The following PPARGC1A variants were observed in gnomAD, a reference collection of about 807,000 sequenced individuals.
PPARGC1A encodes the protein peroxisome proliferator-activated receptor gamma coactivator 1-alpha.
In PPARGC1A, 25 loss-of-function variants were observed where a neutral mutation model predicts 88.7. That is an observed-to-expected ratio of 0.28 (90% CI 0.21 to 0.39). The LOEUF is 0.39. Among genes scored for constraint, PPARGC1A ranks in the 10% least tolerant of loss-of-function variants. The probability of loss-of-function intolerance (pLI) is 1.00; values close to 1 mark genes in which losing one functional copy is unlikely to be tolerated. For synonymous variants in PPARGC1A, 363 were observed against 355.6 expected, an observed-to-expected ratio of 1.02 and a Z score of -0.24; for missense variants, 880 against 968.7, an observed-to-expected ratio of 0.91 and a Z score of 1.22.
the PPARGC1A span, among the ~76,000 whole-genome samples, chr4:24,240,983 C>T: frequency 1.3e-5 from 2 of 152,306 alleles, no homozygotes; most frequent in Non-Finnish European, 1.5e-5. Context: ...ACAAGAGAAA[C>T]TCTGCTGCTG....
the PPARGC1A span, among the ~76,000 whole-genome samples, chr4:24,177,756 G>A: frequency 3.3e-5 from 5 of 151,822 alleles, no homozygotes; most frequent in Middle Eastern, 3.4e-3. Flanking sequence ...GAGCTGGCAG[G>A]CATACAAGTG....
chr4:23,801,544 CT>C (rs1718745741), intron 12 of PPARGC1A, among the ~76,000 whole-genome samples, 185 bp downstream of exon 12: 1 of 152,200 alleles, frequency 6.6e-6, no homozygotes, highest in Non-Finnish European at 1.5e-5. Flanking sequence ...TCTGTCCTTT[CT>C]TGCCAAAACC....
chr4:24,408,165 G>A, the PPARGC1A span, among the ~76,000 whole-genome samples: 16 of 151,866 alleles, frequency 1.1e-4, no homozygotes, highest in East Asian at 3.9e-4. Flanking sequence ...AAAAGGGACC[G>A]AGGAACATCA....
At chr4:24,267,862 A>G in the PPARGC1A span, among the ~76,000 whole-genome samples, 1 of 152,148 alleles carries the variant, frequency 6.6e-6, no homozygotes, top group Admixed American at 6.5e-5. Flanking sequence ...CTGTCTTGTA[A>G]TTTCCATAAG....
chr4:24,470,928 CGGA>C, the PPARGC1A span, among the ~76,000 whole-genome samples: 2 of 151,896 alleles, frequency 1.3e-5, no homozygotes, highest in East Asian at 1.9e-4. This position sits in a 1 kb window ranked among gnomAD's most constrained non-coding sequence, Gnocchi z 5.8. Context: ...TGGGGTGATG[CGGA>C]GGCGGCGGCG....
the PPARGC1A span, among the ~76,000 whole-genome samples, chr4:24,165,582 T>C: frequency 6.6e-6 from 1 of 152,338 alleles, no homozygotes; most frequent in South Asian, 2.1e-4. Context: ...ACTTTTCCAA[T>C]AGCACGTGCT....
chr4:23,837,389 GA>G (rs5856796), intron 2 of PPARGC1A, among the ~76,000 whole-genome samples: 120,098 of 144,132 alleles, frequency 0.83, 49,982 homozygotes, highest in Non-Finnish European at 0.87. Flanking sequence ...ATGATTAATA[GA>G]AAAAAAAAAA....
chr4:24,452,649 G>A, the PPARGC1A span, among the ~76,000 whole-genome samples: 2 of 152,128 alleles, frequency 1.3e-5, no homozygotes, highest in Admixed American at 1.3e-4. Flanking sequence ...TTTTTCATAA[G>A]TGAAATTTTT....
At chr4:23,854,976 A>T (rs946237431) in intron 2 of PPARGC1A, among the ~76,000 whole-genome samples, 1 of 152,188 alleles carries the variant, frequency 6.6e-6, no homozygotes, top group Admixed American at 6.5e-5. Context: ...TGTAGCTCCT[A>T]TAATTCCCAC....
chr4:23,889,887 G>C lies in PPARGC1A; in HGVS notation c.54+17C>G, dbSNP rs1717564663. 1 of 1,612,424 alleles carries C rather than the reference G, an allele frequency of 6.2e-7. No homozygotes were observed. Among genetic ancestry groups the C allele is most frequent in the African/African-American group, 1.3e-5 (1 of 74,904 alleles). The stretch of plus-strand genomic sequence containing the variant: ...GCGTCAGTTGTGGCTGCAGCGCCGA[G>C]CCCTGCCCCAGCTCACCTCGATGTC... On this transcript the variant is annotated intron_variant, in intron 1 of 12. Coordinates refer to ENST00000264867, the MANE Select transcript of PPARGC1A (RefSeq NM_013261.5).
At chr4:23,992,299 G>C in the PPARGC1A span, among the ~76,000 whole-genome samples, 1 of 144,932 alleles carries the variant, frequency 6.9e-6, no homozygotes, top group East Asian at 2.0e-4. Context: ...ATTATTATCA[G>C]ATAATATTAT....
At chr4:24,252,606 T>C in the PPARGC1A span, among the ~76,000 whole-genome samples, 1 of 152,228 alleles carries the variant, frequency 6.6e-6, no homozygotes, top group Non-Finnish European at 1.5e-5. Flanking sequence ...ATAAAGCACA[T>C]CATTTCAGAG....
At chr4:23,833,239 A>G (rs972575548) in intron 2 of PPARGC1A, among the ~76,000 whole-genome samples, 6 of 152,216 alleles carry the variant, frequency 3.9e-5, no homozygotes, top group African/African-American at 1.2e-4. Flanking sequence ...GTGATATTCT[A>G]TGCACGTGGA....
At chr4:24,240,711 G>A in the PPARGC1A span, among the ~76,000 whole-genome samples, 3 of 152,178 alleles carry the variant, frequency 2.0e-5, no homozygotes, top group Admixed American at 6.5e-5. Context: ...TGCCTTGACA[G>A]TAGTTCAAAC....
chr4:24,267,143 C>A, the PPARGC1A span, among the ~76,000 whole-genome samples: 1 of 152,122 alleles, frequency 6.6e-6, no homozygotes, highest in Non-Finnish European at 1.5e-5. Flanking sequence ...ATGCCATTTG[C>A]AAGAGGTTGG....
chr4:23,905,219 A>G (rs555224935), upstream of PPARGC1A, among the ~76,000 whole-genome samples: 1 of 152,368 alleles, frequency 6.6e-6, no homozygotes, highest in Admixed American at 6.5e-5. Flanking sequence ...GGATATGATC[A>G]CACTTTCAAC....
At position 23,829,550 on chromosome 4, in the gene PPARGC1A, C is replaced by T; in HGVS notation, c.465G>A (p.Gln155=). 6.2e-7 allele frequency: 1 copy of T among 1,613,342 alleles called. No homozygotes were observed. The highest frequency in any genetic ancestry group is 8.5e-7 in the Non-Finnish European group (1 of 1,179,442). The change falls in exon 4 of 13, where the codon CAG becomes CAA. Residue 155 remains glutamine (Q), a synonymous_variant. Transcript: ENST00000264867. ...KKLLLAPANT[Q]LSYNECSGLS... ...GACCACTGCATTCATTATAACTTAG[C>T]TGAGTGTTGGCTGGTGCCAGTAAGA...
At position 23,829,459 on chromosome 4, in the gene PPARGC1A, G is replaced by T. The variant is rs763878900; in HGVS notation, c.552+4C>A. On this transcript the variant is annotated splice_donor_region_variant and intron_variant, in intron 4 of 12. Coordinates refer to ENST00000264867, the MANE Select transcript of PPARGC1A (RefSeq NM_013261.5). ...CCCCTGTATTAAAAAATTTACATTT[G>T]TACCTTAACAATTGCAGGGTTTGTT... 1 of 1,612,510 alleles carries T rather than the reference G, an allele frequency of 6.2e-7. No individual in the cohort carries two copies. Among genetic ancestry groups the T allele is most frequent in the East Asian group, 2.2e-5 (1 of 44,828 alleles).
intron 1 of PPARGC1A, among the ~76,000 whole-genome samples, chr4:23,886,728 C>A (rs1716958879): frequency 6.6e-6 from 1 of 152,012 alleles, no homozygotes; most frequent in African/African-American, 2.4e-5. Flanking sequence ...TCCATTCTTG[C>A]CCACACAGCT....
Sources: allele counts gnomAD v4.1 joint callset (sites outside exome capture counted in the v4.1 genomes callset), GRCh38; gene constraint gnomAD v4.1.1; non-coding constraint Gnocchi (gnomAD v3.1); transcripts MANE v1.5; gene names NCBI Gene and HGNC (gene_info 2026-07-23, HGNC 2026-07-21).